ASCC3: variants seen among roughly 807,000 people sequenced by gnomAD.
ASCC3 encodes ASC-1 complex subunit P200.
ASCC3 carries 158 observed loss-of-function variants against 256.3 expected under a neutral mutation model. That is an observed-to-expected ratio of 0.62 (90% CI 0.54 to 0.70). ASCC3 has a LOEUF of 0.70. Ranked by LOEUF, ASCC3 falls within the 30% of genes least tolerant of loss-of-function variation. ASCC3 has a pLI of 0.00. For missense variants in ASCC3, 2,259 were observed against 2,626.0 expected, an observed-to-expected ratio of 0.86 and a Z score of 3.05; for synonymous variants, 948 against 883.4, an observed-to-expected ratio of 1.07 and a Z score of -1.30.
intron 3 of ASCC3, among the ~76,000 whole-genome samples, chr6:100,851,493 C>T (rs1029603438): frequency 6.6e-6 from 1 of 151,958 alleles, no homozygotes; most frequent in Non-Finnish European, 1.5e-5. Context: ...AGCTATAAGC[C>T]CATGTTTGAA....
At chr6:100,641,788 C>G (rs531324474) in intron 24 of ASCC3, among the ~76,000 whole-genome samples, 2 of 152,182 alleles carry the variant, frequency 1.3e-5, no homozygotes, top group South Asian at 4.2e-4. Context: ...TGACAGACTG[C>G]ATTAAGAAAA....
chr6:100,583,782 G>A (rs564081933), intron 36 of ASCC3, among the ~76,000 whole-genome samples: 1 of 151,996 alleles, frequency 6.6e-6, no homozygotes, highest in Non-Finnish European at 1.5e-5. Flanking sequence ...ATTCTGGTAT[G>A]TGTGTCTTTG....
chr6:100,535,939 A>T (rs1431689033), intron 37 of ASCC3, among the ~76,000 whole-genome samples: 3 of 152,220 alleles, frequency 2.0e-5, no homozygotes, highest in Non-Finnish European at 2.9e-5. Flanking sequence ...GATATTTTAT[A>T]TGAGGGAATA....
chr6:100,709,854 A>T (rs1778784382), intron 13 of ASCC3, among the ~76,000 whole-genome samples: 1 of 152,206 alleles, frequency 6.6e-6, no homozygotes, highest in Non-Finnish European at 1.5e-5. Context: ...AAATGGTAAA[A>T]TAATAGAAAA....
chr6:100,616,972 T>C (rs1773692799), intron 30 of ASCC3, among the ~76,000 whole-genome samples: 1 of 152,014 alleles, frequency 6.6e-6, no homozygotes, highest in Non-Finnish European at 1.5e-5. Context: ...AGGGCAGTAT[T>C]CTGAACTTTT....
intron 8 of ASCC3, among the ~76,000 whole-genome samples, chr6:100,772,850 T>C (rs957341200): frequency 6.6e-6 from 1 of 152,232 alleles, no homozygotes; most frequent in African/African-American, 2.4e-5. Flanking sequence ...ACTGCAAGTA[T>C]GACCCGCAGG....
chr6:100,838,241 G>A (rs923992032), intron 4 of ASCC3, among the ~76,000 whole-genome samples: 1 of 151,886 alleles, frequency 6.6e-6, no homozygotes, highest in African/African-American at 2.4e-5. Flanking sequence ...TATGCATATT[G>A]AAAACTAATA....
rs1239461001 is a variant in ASCC3 at position 100,638,649 on chromosome 6, T to G, written c.4074A>C (p.Ala1358=). The change falls in exon 25 of 42, where the codon GCA becomes GCC. Residue 1358 remains alanine (A), a synonymous_variant. Coordinates refer to ENST00000369162, the MANE Select transcript of ASCC3 (RefSeq NM_006828.4). Reference sequence around the variant, plus strand: ...AGACTCTGAAAATGGCTAATTCAGCTGCAACAGTCTTTCCCGATCCAGTAG... The same window carrying G: ...AGACTCTGAAAATGGCTAATTCAGCGGCAACAGTCTTTCCCGATCCAGTAG... ...GAPTGSGKTV[A]AELAIFRVFN... The G allele has an allele frequency of 6.2e-7, 1 of 1,613,954 alleles. No individual in the cohort carries two copies. Among genetic ancestry groups the G allele is most frequent in the Non-Finnish European group, 8.5e-7 (1 of 1,179,850 alleles).
At chr6:100,808,474 CTG>C (rs774613627) in intron 4 of ASCC3, among the ~76,000 whole-genome samples, 1 of 151,848 alleles carries the variant, frequency 6.6e-6, no homozygotes, top group Non-Finnish European at 1.5e-5. Context: ...TCTTTTCTAA[CTG>C]TGTATCTATG....
chr6:100,658,368 T>G (rs1407410698), intron 16 of ASCC3, among the ~76,000 whole-genome samples: 4 of 151,456 alleles, frequency 2.6e-5, no homozygotes, highest in African/African-American at 9.7e-5. Flanking sequence ...AATTGTTTAT[T>G]TGAATATGTA....
intron 4 of ASCC3, among the ~76,000 whole-genome samples, chr6:100,820,652 A>G (rs768346817): frequency 6.6e-4 from 101 of 152,202 alleles, no homozygotes; most frequent in Non-Finnish European, 1.6e-4. Flanking sequence ...TCATCAAAAT[A>G]AACAAACTAT....
At chr6:100,599,666 A>G (rs1287419707) in intron 34 of ASCC3, among the ~76,000 whole-genome samples, 1 of 152,018 alleles carries the variant, frequency 6.6e-6, no homozygotes, top group Non-Finnish European at 1.5e-5. Context: ...AAGTTCAACA[A>G]TTAAAAAAAA....
chr6:100,650,682 G>A lies in ASCC3; in HGVS notation c.3108C>T (p.Thr1036=). 6.2e-7 allele frequency: 1 copy of A among 1,611,486 alleles called. No homozygotes were observed. Among genetic ancestry groups the A allele is most frequent in the Non-Finnish European group, 8.5e-7 (1 of 1,178,196 alleles). ...VREEEIEELD[T]LLSNFCELST... ...AGAGTTCACAAAAATTGCTTAATAA[G>A]GTATCTAACTCCTCTATTTCCTCTT... Residue 1036 remains threonine (T), a synonymous_variant, in exon 20 of 42, where the codon ACC becomes ACT. Coordinates refer to ENST00000369162, the MANE Select transcript of ASCC3 (RefSeq NM_006828.4).
intron 2 of ASCC3, among the ~76,000 whole-genome samples, chr6:100,865,832 C>A (rs1439676579): frequency 6.6e-6 from 1 of 152,050 alleles, no homozygotes; most frequent in African/African-American, 2.4e-5. Flanking sequence ...GAGCTTCAGG[C>A]CTATAAAATT....
At chr6:100,600,734 A>G (rs1772566747) in intron 34 of ASCC3, among the ~76,000 whole-genome samples, 1 of 152,116 alleles carries the variant, frequency 6.6e-6, no homozygotes, top group Non-Finnish European at 1.5e-5. Context: ...TTCACTCTGT[A>G]TCTAAGGTCC....
chr6:100,839,386 C>T (rs1432866309), intron 4 of ASCC3, among the ~76,000 whole-genome samples: 1 of 152,124 alleles, frequency 6.6e-6, no homozygotes, highest in Non-Finnish European at 1.5e-5. Context: ...ACTTGTCTTA[C>T]TCCTTGAGCA....
Position 100,669,274 on chromosome 6 carries a change from T to C in ASCC3, c.2287-6738A>G, listed in dbSNP as rs965028730. Among the ~76,000 whole-genome samples the C allele has an allele frequency of 1.1e-4, 16 of 149,314 alleles. No homozygotes were observed. In the East Asian group the frequency reaches 3.1e-3, roughly 29 times the overall value. ...TTCATTTTAATATAAAGTATTAATC[T>C]TTACTATAAAAATATATTTTATAAA... is the stretch of plus-strand genomic sequence containing the variant. On this transcript the variant is annotated intron_variant, in intron 14 of 41. Coordinates refer to ENST00000369162, the MANE Select transcript of ASCC3 (RefSeq NM_006828.4).
intron 12 of ASCC3, 25 bp downstream of exon 12, chr6:100,718,050 G>T: frequency 6.2e-7 from 1 of 1,601,844 alleles, no homozygotes. Context: ...AATATTTTTA[G>T]ATAAGAATTA....
chr6:100,726,085 A>C (rs1295508547), intron 10 of ASCC3, among the ~76,000 whole-genome samples: 1 of 151,824 alleles, frequency 6.6e-6, no homozygotes, highest in African/African-American at 2.4e-5. Flanking sequence ...TGATGAAAGC[A>C]TTAAAAGGAA....
Sources: allele counts gnomAD v4.1 joint callset (sites outside exome capture counted in the v4.1 genomes callset), GRCh38; gene constraint gnomAD v4.1.1; transcripts MANE v1.5; gene names NCBI Gene and HGNC (gene_info 2026-07-23, HGNC 2026-07-21).